The following STK4 variants were observed in gnomAD, a reference collection of about 807,000 sequenced individuals.
STK4 encodes the protein serine/threonine-protein kinase 4.
In STK4, 30 loss-of-function variants were observed where a neutral mutation model predicts 64.9. The ratio of observed to expected loss-of-function variants is 0.46; its 90% confidence interval spans 0.35 to 0.63. STK4 has a LOEUF of 0.63. Ranked by LOEUF, STK4 falls within the 20% of genes least tolerant of loss-of-function variation. STK4 has a pLI of 0.01. For missense variants in STK4, 466 were observed against 598.5 expected (o/e 0.78, Z 2.31); for synonymous variants, 177 against 199.0 (o/e 0.89, Z 0.93).
chr20:45,026,738 G>A (rs1460230345), intron 10 of STK4, among the ~76,000 whole-genome samples: 2 of 152,132 alleles, frequency 1.3e-5, no homozygotes, highest in African/African-American at 2.4e-5. Flanking sequence ...GAACTGTAGC[G>A]TTTCTGAACA....
At chr20:45,026,128 G>GGTTTTTTTTTTTTTTTTT (rs1490924969) in intron 10 of STK4, among the ~76,000 whole-genome samples, 4 of 128,980 alleles carry the variant, frequency 3.1e-5, no homozygotes, top group African/African-American at 1.2e-4. Context: ...TTATCCAGTG[G>GGTTTTTTTTTTTTTTTTT]TTTTTTTTTT....
chr20:45,072,942 C>G (rs564049514), intron 10 of STK4, among the ~76,000 whole-genome samples: 78 of 152,272 alleles, frequency 5.1e-4, no homozygotes, highest in Non-Finnish European at 9.4e-4. Context: ...ACCATCAGAC[C>G]ATTATCTCAT....
intron 9 of STK4, among the ~76,000 whole-genome samples, chr20:45,021,205 A>G (rs1234896753): frequency 1.3e-5 from 2 of 152,208 alleles, no homozygotes; most frequent in African/African-American, 4.8e-5. Flanking sequence ...GCCCAGAGTC[A>G]TTGTGAGAGG....
intron 6 of STK4, 84 bp downstream of exon 6, chr20:44,995,341 C>T: frequency 6.7e-7 from 1 of 1,484,298 alleles, no homozygotes; most frequent in Non-Finnish European, 9.0e-7. Context: ...TGTTGTGGCT[C>T]ACACGTGTAA....
At chr20:45,004,000 G>A (rs755327791) in intron 9 of STK4, among the ~76,000 whole-genome samples, 3 of 151,816 alleles carry the variant, frequency 2.0e-5, no homozygotes, top group Non-Finnish European at 2.9e-5. Flanking sequence ...ATTACAGGTT[G>A]AGTCACTGTT....
intron 5 of STK4, among the ~76,000 whole-genome samples, chr20:44,987,765 G>GA (rs990848568): frequency 5.0e-4 from 68 of 135,198 alleles, no homozygotes; most frequent in South Asian, 6.9e-4. Context: ...AGTGAAAAAA[G>GA]AAAAAAAAAA....
chr20:45,009,520 C>CT lies in STK4; in HGVS notation c.1147+8172dup, dbSNP rs1205544642. Among the ~76,000 whole-genome samples, 5 of 152,182 alleles carry CT rather than the reference C, an allele frequency of 3.3e-5. No homozygotes were observed. The East Asian group carries it at 9.6e-4, about 29-fold the overall frequency. On this transcript the variant is annotated intron_variant, in intron 9 of 10. Transcript: ENST00000372806. ...TAGGATTGCTTTGGCTATTTGGGCT[C>CT]TTTTTGGTTCCATATAAATTTTAGA...
intron 4 of STK4, among the ~76,000 whole-genome samples, chr20:44,985,148 T>C (rs2145661037): frequency 6.6e-6 from 1 of 152,326 alleles, no homozygotes; most frequent in East Asian, 1.9e-4. Context: ...AGTGTTTGCC[T>C]GGACTTTAGT....
intron 5 of STK4, among the ~76,000 whole-genome samples, chr20:44,992,472 G>C (rs1237652735): frequency 6.6e-6 from 1 of 151,420 alleles, no homozygotes; most frequent in East Asian, 1.9e-4. Context: ...TTTTACCCAG[G>C]CTGGTCCGGA....
chr20:44,970,931 C>G (rs532056185), intron 1 of STK4, among the ~76,000 whole-genome samples: 2 of 141,168 alleles, frequency 1.4e-5, no homozygotes, highest in South Asian at 5.2e-4. Flanking sequence ...GTATTTAAGT[C>G]TTTTGTTGTA....
chr20:45,052,799 A>G (rs1294422959), intron 10 of STK4, among the ~76,000 whole-genome samples: 5 of 152,212 alleles, frequency 3.3e-5, no homozygotes, highest in Non-Finnish European at 7.3e-5. Context: ...GTGCTAGAAG[A>G]AAGATGAATG....
intron 10 of STK4, chr20:45,053,006 A>C (rs1458599995): frequency 9.2e-7 from 1 of 1,086,412 alleles, no homozygotes; most frequent in East Asian, 2.4e-5. Flanking sequence ...TTTTTCCTGT[A>C]AAGCTTGGTT....
chr20:45,046,538 C>T (rs1371551939), intron 10 of STK4, among the ~76,000 whole-genome samples: 2 of 150,968 alleles, frequency 1.3e-5, no homozygotes, highest in African/African-American at 4.9e-5. Flanking sequence ...GATATATTTT[C>T]TGGTTATATC....
chr20:44,972,392 G>A (rs1457760252), intron 2 of STK4: 2 of 388,194 alleles, frequency 5.2e-6, no homozygotes, highest in Non-Finnish European at 9.2e-6. Flanking sequence ...GGATCTGTAT[G>A]ATTTTATCTA....
chr20:45,052,190 C>T (rs1600541531), intron 10 of STK4, among the ~76,000 whole-genome samples: 1 of 151,998 alleles, frequency 6.6e-6, no homozygotes, highest in African/African-American at 2.4e-5. Context: ...ATTTTGTTAA[C>T]CTTCTAGTTG....
chr20:45,015,384 G>T (rs1293756171), intron 9 of STK4, among the ~76,000 whole-genome samples: 1 of 152,190 alleles, frequency 6.6e-6, no homozygotes, highest in Non-Finnish European at 1.5e-5. Context: ...GCATTTGCAA[G>T]TACAGTAATT....
intron 5 of STK4, among the ~76,000 whole-genome samples, chr20:44,993,126 C>T (rs2067665029): frequency 1.3e-5 from 2 of 151,610 alleles, no homozygotes; most frequent in African/African-American, 4.8e-5. Context: ...TGACTAGATT[C>T]CCAGTGCTTT....
At chr20:44,993,821 A>G (rs1398828642) in intron 5 of STK4, among the ~76,000 whole-genome samples, 1 of 152,170 alleles carries the variant, frequency 6.6e-6, no homozygotes, top group African/African-American at 2.4e-5. Context: ...TCTACTAAAA[A>G]TACAAAAATT....
intron 4 of STK4, among the ~76,000 whole-genome samples, chr20:44,984,740 T>A (rs2067502657): frequency 6.6e-6 from 1 of 152,164 alleles, no homozygotes; most frequent in African/African-American, 2.4e-5. Flanking sequence ...GATAATATTT[T>A]GGATAAATAT....
Sources: gnomAD v4.1 joint callset for allele counts (sites outside exome capture counted in the v4.1 genomes callset) on GRCh38, gnomAD v4.1.1 for gene constraint, MANE v1.5 for transcripts, NCBI Gene and HGNC (gene_info 2026-07-23, HGNC 2026-07-21) for gene names.